Variants in PRDM11 observed in about 807,000 individuals in gnomAD.
PRDM11 encodes the protein PR/SET domain 11, also known as PR domain-containing protein 11.
In PRDM11, 20 loss-of-function variants were observed where a neutral mutation model predicts 97.8. The ratio of observed to expected loss-of-function variants is 0.20; its 90% CI spans 0.14 to 0.30. The LOEUF (loss-of-function observed/expected upper bound fraction) is 0.30, where lower values mean the gene tolerates loss of function less well. Among genes scored for constraint, PRDM11 ranks in the 10% least tolerant of loss-of-function variants. The probability of loss-of-function intolerance (pLI) is 1.00; values close to 1 mark genes in which losing one functional copy is unlikely to be tolerated. For missense variants in PRDM11, 1,139 were observed against 1,555.2 expected, an observed-to-expected ratio of 0.73 and a Z score of 4.50; for synonymous variants, 599 against 637.7, an observed-to-expected ratio of 0.94 and a Z score of 0.91.
At chr11:45,159,354 C>A (rs1171734977) in intron 1 of PRDM11, among the ~76,000 whole-genome samples, 1 of 152,246 alleles carries the variant, frequency 6.6e-6, no homozygotes, top group Non-Finnish European at 1.5e-5. Flanking sequence ...TTGCCACCCC[C>A]TTTTCTCAGA....
chr11:45,110,273 C>T (rs1311366586), intron 1 of PRDM11, among the ~76,000 whole-genome samples: 1 of 151,984 alleles, frequency 6.6e-6, no homozygotes, highest in African/African-American at 2.4e-5. Flanking sequence ...AGCTAAGCTT[C>T]GGAGCCAGAA....
upstream of PRDM11, among the ~76,000 whole-genome samples, chr11:45,145,929 G>A (rs1014935431): frequency 5.9e-5 from 9 of 152,168 alleles, no homozygotes; most frequent in African/African-American, 2.2e-4. Context: ...CACAGATGGA[G>A]AAACTGAGGA....
chr11:45,203,817 T>C (rs1590441026), intron 4 of PRDM11, among the ~76,000 whole-genome samples: 1 of 152,052 alleles, frequency 6.6e-6, no homozygotes, highest in East Asian at 1.9e-4. Context: ...TTAACAGAAA[T>C]TGTACTGAAA....
At chr11:45,119,746 AC>A (rs1316981160) in intron 1 of PRDM11, among the ~76,000 whole-genome samples, 1 of 151,630 alleles carries the variant, frequency 6.6e-6, no homozygotes, top group Non-Finnish European at 1.5e-5. Flanking sequence ...TCAGTCCCTT[AC>A]CCCATTTTCT....
At chr11:45,225,501 G>T (rs1854252706) in intron 7 of PRDM11, among the ~76,000 whole-genome samples, 1 of 152,196 alleles carries the variant, frequency 6.6e-6, no homozygotes, top group Non-Finnish European at 1.5e-5. Flanking sequence ...TCAGAATGAG[G>T]TGTTTCTTGT....
At position 45,228,982 on chromosome 11, in the gene PRDM11, A is replaced by C. The variant is rs1225419062; in HGVS notation, c.*823A>C. On this transcript the variant is annotated 3_prime_UTR_variant, in exon 8 of 8. Transcript: ENST00000683152. Reference sequence around the variant, plus strand: ...AAATCCTGGGGAAGGGAGAAGGGGTAAGCTTTTAGCATTCCTGTTTTTACG... The same window carrying C: ...AAATCCTGGGGAAGGGAGAAGGGGTCAGCTTTTAGCATTCCTGTTTTTACG... 2.6e-5 allele frequency: 4 copies of C among 152,156 alleles called. No homozygotes were observed. The highest frequency in any genetic ancestry group is 5.9e-5 in the Non-Finnish European group (4 of 68,042). The allele number at this position is 152,156 out of a possible 1,614,324, so 9.4% of individuals were successfully genotyped here. A position where few individuals can be genotyped will look rare whatever the true frequency, so the allele number is the denominator to read the frequency against.
chr11:45,211,730 C>T lies in PRDM11; in HGVS notation c.554+6952C>T, dbSNP rs559807831. Among the ~76,000 whole-genome samples the T allele has an allele frequency of 5.9e-5, 9 of 152,198 alleles. No homozygotes were observed. In the South Asian group the frequency reaches 1.2e-3, roughly 21 times the overall value. On this transcript the variant is annotated intron_variant, in intron 5 of 7. Transcript: ENST00000683152. ...TATCCCTCACCCCCTTCCCACTCTT[C>T]CCCCCAAGTCCGCAAAGTCCGTTGT...
chr11:45,111,647 G>A (rs1429411052), intron 1 of PRDM11, among the ~76,000 whole-genome samples: 1 of 152,228 alleles, frequency 6.6e-6, no homozygotes, highest in Admixed American at 6.5e-5. Context: ...GAGAGTGGGA[G>A]TGGCTTTCCT....
intron 1 of PRDM11, among the ~76,000 whole-genome samples, chr11:45,131,988 T>C (rs548309261): frequency 9.2e-5 from 14 of 152,270 alleles, no homozygotes; most frequent in South Asian, 4.2e-4. Flanking sequence ...CTCCACCTTA[T>C]AGAGCCAAGC....
intron 1 of PRDM11, among the ~76,000 whole-genome samples, chr11:45,100,655 A>G (rs1312271978): frequency 6.6e-6 from 1 of 152,132 alleles, no homozygotes; most frequent in Non-Finnish European, 1.5e-5. Context: ...TTATTTGCAT[A>G]CCCATCAGCC....
At chr11:45,173,225 G>A (rs1852244755) in intron 1 of PRDM11, among the ~76,000 whole-genome samples, 3 of 152,146 alleles carry the variant, frequency 2.0e-5, no homozygotes, top group South Asian at 2.1e-4. Flanking sequence ...GGTCCTATAA[G>A]GGAGGTGTGG....
chr11:45,226,983 C>T lies in PRDM11; in HGVS notation c.2358C>T (p.Asn786=). 4 of 1,533,974 alleles carry T rather than the reference C, an allele frequency of 2.6e-6. No homozygotes were observed. Among genetic ancestry groups the T allele is most frequent in the East Asian group, 2.4e-5 (1 of 40,914 alleles). ...KELPCLEELE[N]NLKQLLSFYR... ...TCCCATGCCTGGAGGAGCTGGAGAA[C>T]AACCTGAAGCAGCTGCTGAGCTTCT... Residue 786 remains asparagine (N), a synonymous_variant, in exon 8 of 8, where the codon AAC becomes AAT. Coordinates refer to ENST00000683152, the MANE Select transcript of PRDM11 (RefSeq NM_001384648.1).
At chr11:45,100,650 T>G (rs966709011) in intron 1 of PRDM11, among the ~76,000 whole-genome samples, 2 of 152,208 alleles carry the variant, frequency 1.3e-5, no homozygotes, top group Non-Finnish European at 2.9e-5. Context: ...AGAGGTTATT[T>G]GCATACCCAT....
In PRDM11 at chr11:45,097,994, T is replaced by C. The variant is rs538634874; in HGVS notation, c.96+2093T>C. Among the ~76,000 whole-genome samples, 4 of 152,206 alleles carry C rather than the reference T, an allele frequency of 2.6e-5. No individual in the cohort carries two copies. The East Asian group carries it at 7.7e-4, about 29-fold the overall frequency. ...GCTGGCTGGGATTGGAGATGAAAAA[T>C]CCATTCGTGGCTGCCCTGAAGCAAA... On this transcript the variant is annotated intron_variant, in intron 1 of 6. Coordinates refer to the PRDM11 transcript ENST00000530656.
intron 4 of PRDM11, among the ~76,000 whole-genome samples, chr11:45,185,735 G>C (rs942906960): frequency 2.6e-5 from 4 of 152,190 alleles, no homozygotes; most frequent in Non-Finnish European, 5.9e-5. Flanking sequence ...GTTAGGTATA[G>C]TAGGCCACAT....
chr11:45,138,828 C>T (rs1400017251), intron 1 of PRDM11, among the ~76,000 whole-genome samples: 1 of 151,990 alleles, frequency 6.6e-6, no homozygotes, highest in Non-Finnish European at 1.5e-5. Context: ...GTTCACAAAA[C>T]TATAAAGGAA....
intron 1 of PRDM11, among the ~76,000 whole-genome samples, chr11:45,120,920 G>T (rs7131444): frequency 0.32 from 48,312 of 152,008 alleles, 8,447 homozygotes; most frequent in African/African-American, 0.44. Flanking sequence ...CTGTTGTAAG[G>T]TTCTTGCATT....
intron 6 of PRDM11, among the ~76,000 whole-genome samples, chr11:45,222,235 T>C (rs1854140499): frequency 1.3e-5 from 2 of 152,254 alleles, no homozygotes; most frequent in African/African-American, 4.8e-5. Context: ...TTGGAACCAA[T>C]TTCATGATGC....
chr11:45,126,782 T>C (rs1014482898), intron 1 of PRDM11, among the ~76,000 whole-genome samples: 1 of 152,216 alleles, frequency 6.6e-6, no homozygotes, highest in Non-Finnish European at 1.5e-5. Context: ...GTTTCCTTCA[T>C]TTCAACTTTG....
Sources: allele counts gnomAD v4.1 joint callset (sites outside exome capture counted in the v4.1 genomes callset), GRCh38; gene constraint gnomAD v4.1.1; transcripts MANE v1.5; gene names NCBI Gene and HGNC (gene_info 2026-07-23, HGNC 2026-07-21).